ATRNL1: variants seen among roughly 807,000 people sequenced by gnomAD.
The protein encoded by ATRNL1 is attractin-like protein 1.
Under a neutral mutation model 182.7 loss-of-function variants are expected in ATRNL1, and 95 were observed. The ratio of observed to expected loss-of-function variants is 0.52; its 90% confidence interval spans 0.44 to 0.62. ATRNL1 has a LOEUF of 0.62. Among genes scored for constraint, ATRNL1 ranks in the 20% least tolerant of loss-of-function variants. The pLI is 0.00. For missense variants in ATRNL1, 1,471 were observed against 1,679.5 expected, an observed-to-expected ratio of 0.88 and a Z score of 2.17; for synonymous variants, 576 against 568.3, an observed-to-expected ratio of 1.01 and a Z score of -0.19.
chr10:115,420,665 A>T (rs1180679646), intron 20 of ATRNL1, among the ~76,000 whole-genome samples: 1 of 152,148 alleles, frequency 6.6e-6, no homozygotes, highest in Non-Finnish European at 1.5e-5. Flanking sequence ...AACAAGAATG[A>T]TCTAAGTCCA....
chr10:115,419,955 C>A (rs1005827471), intron 20 of ATRNL1, among the ~76,000 whole-genome samples: 9 of 151,990 alleles, frequency 5.9e-5, no homozygotes, highest in Admixed American at 2.6e-4. Context: ...GGTCTAACAG[C>A]TGCAGAAGGC....
intron 28 of ATRNL1, among the ~76,000 whole-genome samples, chr10:115,911,979 C>G (rs1054674342): frequency 2.6e-5 from 4 of 152,172 alleles, no homozygotes; most frequent in African/African-American, 9.7e-5. Flanking sequence ...TACTATGTTT[C>G]TCACCACTAC....
chr10:115,850,786 C>A (rs1019420192), intron 28 of ATRNL1, among the ~76,000 whole-genome samples: 10 of 152,306 alleles, frequency 6.6e-5, no homozygotes, highest in South Asian at 2.1e-4. Context: ...AATTCATTTA[C>A]CCTTTCCCAG....
At chr10:115,107,326 A>G (rs534666382) in intron 1 of ATRNL1, among the ~76,000 whole-genome samples, 1 of 152,234 alleles carries the variant, frequency 6.6e-6, no homozygotes, top group African/African-American at 2.4e-5. Context: ...TTCCCGTTCC[A>G]AAAGAAAAAA....
intron 16 of ATRNL1, among the ~76,000 whole-genome samples, chr10:115,300,730 T>G (rs1554924227): frequency 6.6e-6 from 1 of 152,220 alleles, no homozygotes; most frequent in African/African-American, 2.4e-5. Flanking sequence ...TGGTAAAATG[T>G]ACTTAAAATT....
chr10:115,413,620 G>T (rs1319430513), intron 20 of ATRNL1, among the ~76,000 whole-genome samples: 1 of 152,036 alleles, frequency 6.6e-6, no homozygotes, highest in Non-Finnish European at 1.5e-5. Flanking sequence ...CATTGTCCAA[G>T]ATTTGGCCAG....
chr10:115,539,963 C>T (rs1432739780), intron 25 of ATRNL1, among the ~76,000 whole-genome samples: 1 of 125,912 alleles, frequency 7.9e-6, no homozygotes, highest in Non-Finnish European at 1.6e-5. Context: ...ATAGAAAAGC[C>T]TTCCCATCAA....
At chr10:115,670,281 T>G (rs1945653955) in intron 26 of ATRNL1, among the ~76,000 whole-genome samples, 1 of 152,142 alleles carries the variant, frequency 6.6e-6, no homozygotes, top group African/African-American at 2.4e-5. Flanking sequence ...TAATAAATTC[T>G]ATGTGTTTGC....
At chr10:115,407,270 A>G (rs1844876254) in intron 20 of ATRNL1, among the ~76,000 whole-genome samples, 1 of 152,154 alleles carries the variant, frequency 6.6e-6, no homozygotes, top group Admixed American at 6.5e-5. Flanking sequence ...TGAGCTATAT[A>G]ATGTATTATT....
intron 27 of ATRNL1, among the ~76,000 whole-genome samples, chr10:115,814,880 G>A (rs2420121): frequency 0.78 from 118,473 of 152,108 alleles, 46,295 homozygotes; most frequent in African/African-American, 0.84. Flanking sequence ...GGCTTAATCC[G>A]TTAAAAAGAT....
At chr10:115,881,446 A>G (rs944411888) in intron 28 of ATRNL1, among the ~76,000 whole-genome samples, 3 of 151,974 alleles carry the variant, frequency 2.0e-5, no homozygotes, top group East Asian at 3.9e-4. Flanking sequence ...CAACACATCA[A>G]CTCTGTAGCA....
At chr10:115,524,292 C>A (rs1378752365) in intron 25 of ATRNL1, among the ~76,000 whole-genome samples, 1 of 152,214 alleles carries the variant, frequency 6.6e-6, no homozygotes, top group African/African-American at 2.4e-5. Context: ...ATAGCAGTCA[C>A]CTAGCTTCTC....
intron 27 of ATRNL1, among the ~76,000 whole-genome samples, chr10:115,786,870 T>C (rs1413712014): frequency 6.6e-6 from 1 of 152,218 alleles, no homozygotes; most frequent in Non-Finnish European, 1.5e-5. Flanking sequence ...AAACCTTTAT[T>C]ATGTCAGACT....
intron 8 of ATRNL1, among the ~76,000 whole-genome samples, chr10:115,204,806 G>T (rs929611147): frequency 6.6e-6 from 1 of 152,038 alleles, no homozygotes; most frequent in Non-Finnish European, 1.5e-5. Flanking sequence ...TTTTGGATAT[G>T]TTCCCTCTTC....
chr10:115,719,008 A>ATTGAATTATTATTATTT (rs1555057042), intron 26 of ATRNL1, among the ~76,000 whole-genome samples: 1 of 152,158 alleles, frequency 6.6e-6, no homozygotes, highest in African/African-American at 2.4e-5. Flanking sequence ...TCATTCAATT[A>ATTGAATTATTATTATTT]ATTATTACAG....
intron 17 of ATRNL1, among the ~76,000 whole-genome samples, chr10:115,308,535 C>T (rs1418017111): frequency 1.3e-5 from 2 of 152,004 alleles, no homozygotes; most frequent in African/African-American, 2.4e-5. Flanking sequence ...AATTTGATGA[C>T]AATTTCTTAC....
intron 26 of ATRNL1, among the ~76,000 whole-genome samples, chr10:115,708,465 G>A (rs1027533078): frequency 6.6e-5 from 10 of 151,586 alleles, no homozygotes; most frequent in Non-Finnish European, 1.0e-4. Context: ...ATCTATATAC[G>A]TTGATAATTT....
chr10:115,309,031 T>C (rs114313516), intron 17 of ATRNL1, among the ~76,000 whole-genome samples: 1,784 of 152,228 alleles, frequency 0.012, 33 homozygotes, highest in African/African-American at 0.04. Context: ...TCAATTTATG[T>C]TTCTGTATAA....
intron 15 of ATRNL1, among the ~76,000 whole-genome samples, chr10:115,293,283 A>C (rs10400056): frequency 1.3e-5 from 2 of 151,992 alleles, no homozygotes; most frequent in Non-Finnish European, 2.9e-5. Flanking sequence ...GCATATTGTT[A>C]GTTATTTTTT....
Sources: gnomAD v4.1 joint callset for allele counts (sites outside exome capture counted in the v4.1 genomes callset) on GRCh38, gnomAD v4.1.1 for gene constraint, MANE v1.5 for transcripts, NCBI Gene and HGNC (gene_info 2026-07-23, HGNC 2026-07-21) for gene names.